The following MNDA variants were observed in gnomAD, a reference collection of about 807,000 sequenced individuals.
The protein encoded by MNDA is epididymis secretory sperm binding protein.
A neutral mutation model predicts 37.8 loss-of-function variants in MNDA; 43 were observed. The ratio of observed to expected loss-of-function variants is 1.14; its 90% CI spans 0.89 to 1.47. MNDA has a LOEUF of 1.47. Ranked by LOEUF, MNDA falls within the 40% of genes most tolerant of loss-of-function variation. MNDA has a pLI of 0.00. For synonymous variants in MNDA, 181 were observed against 169.0 expected (o/e 1.07, Z -0.55); for missense variants, 536 against 476.0 (o/e 1.13, Z -1.17).
At chr1:158,833,767 A>C (rs1378287657) in intron 1 of MNDA, among the ~76,000 whole-genome samples, 2 of 152,216 alleles carry the variant, frequency 1.3e-5, no homozygotes, top group African/African-American at 4.8e-5. Flanking sequence ...GGACACTTGT[A>C]ATACTTTCAC....
At chr1:158,841,207 G>T (rs1197735553) in intron 1 of MNDA, among the ~76,000 whole-genome samples, 1 of 152,104 alleles carries the variant, frequency 6.6e-6, no homozygotes, top group Non-Finnish European at 1.5e-5. Flanking sequence ...AAGACATATT[G>T]TGTATTTCTA....
intron 1 of MNDA, among the ~76,000 whole-genome samples, chr1:158,833,292 A>G (rs1276075381): frequency 6.6e-6 from 1 of 152,212 alleles, no homozygotes; most frequent in Non-Finnish European, 1.5e-5. Flanking sequence ...AGCTTCTGAA[A>G]GCTTTGAATA....
At position 158,845,404 on chromosome 1, in the gene MNDA, G is replaced by GT. The variant is rs199841330; in HGVS notation, c.571-175dup. On this transcript the variant is annotated intron_variant, in intron 4 of 6. Transcript: ENST00000368141. ...AGACGCCCGCTACAACGCCCGGCTA[G>GT]TTTTTTTTGTATTTTTAGTAGAGAT... Among the ~76,000 whole-genome samples the GT allele has an allele frequency of 2.2e-3, 334 of 151,848 alleles. 2 individuals carry two copies. Among genetic ancestry groups the GT allele is most frequent in the African/African-American group, 6.8e-3 (281 of 41,422 alleles).
At chr1:158,834,933 A>G (rs989781134) in intron 1 of MNDA, among the ~76,000 whole-genome samples, 1 of 152,168 alleles carries the variant, frequency 6.6e-6, no homozygotes, top group Non-Finnish European at 1.5e-5. Flanking sequence ...CATATTTCTC[A>G]GGGTTTATTT....
chr1:158,838,581 A>T (rs531909377), intron 1 of MNDA, among the ~76,000 whole-genome samples: 4 of 152,210 alleles, frequency 2.6e-5, no homozygotes, highest in African/African-American at 7.2e-5. Flanking sequence ...TGAGTTTATC[A>T]TAGTTGCAGC....
Position 158,844,070 on chromosome 1 carries a change from C to A in MNDA, c.518C>A (p.Pro173His), listed in dbSNP as rs749443667. ...GASTSAAVDHPPLPQTSSSTP... is the reference protein window; with the variant it reads ...GASTSAAVDHHPLPQTSSSTP... ...AGCACATCTGCAGCTGTGGATCATC[C>A]CCCACTACCCCAGACCTCATCATCA... Residue 173 changes from proline to histidine, a missense_variant, in exon 4 of 7, where the codon CCC becomes CAC. Physicochemically the swap from Pro to His is moderately conservative, Grantham distance 77. Transcript: ENST00000368141. The A allele has an allele frequency of 1.9e-6, 3 of 1,613,026 alleles. No homozygotes were observed. Among genetic ancestry groups the A allele is most frequent in the East Asian group, 2.2e-5 (1 of 44,850 alleles).
rs2276403 is a variant in MNDA, at chr1:158,847,809, C to T, written c.1069C>T (p.His357Tyr). ...SMDVVGSGKW[H>Y]NIKCEKGDKL... ...GGATGTAGTGGGGAGTGGAAAATGG[C>T]ACAATATCAAGTGTGAGAAAGGAGA... Residue 357 changes from histidine to tyrosine, a missense_variant, in exon 6 of 7, where the codon CAC (histidine) becomes TAC (tyrosine). Transcript: ENST00000368141. 2.1e-3 allele frequency: 3,363 copies of T among 1,613,932 alleles called. 113 individuals carry two copies. The East Asian group carries it at 0.067, about 32-fold the overall frequency.
intron 1 of MNDA, among the ~76,000 whole-genome samples, chr1:158,835,302 G>A (rs2102044908): frequency 6.6e-6 from 1 of 152,200 alleles, no homozygotes; most frequent in South Asian, 2.1e-4. Context: ...TTCCTTCAAA[G>A]TGTTGTATAA....
chr1:158,848,552 G>T (rs919011092), intron 6 of MNDA, among the ~76,000 whole-genome samples: 5 of 152,102 alleles, frequency 3.3e-5, no homozygotes, highest in African/African-American at 1.2e-4. Context: ...GAGGCCCAAA[G>T]ATGAAAAAGA....
In MNDA at chr1:158,842,891, G is replaced by C. The variant is rs72702936; in HGVS notation, c.266-388G>C. On this transcript the variant is annotated intron_variant, in intron 2 of 6. Transcript: ENST00000368141. The stretch of plus-strand genomic sequence containing the variant: ...CAATTCAGATCATATTTCCTTTCAG[G>C]TCATATTTCTGTCATTTGAACAGAT... Among the ~76,000 whole-genome samples, 5 of 152,020 alleles carry C rather than the reference G, an allele frequency of 3.3e-5. No individual in the cohort carries two copies. The South Asian group carries it at 8.3e-4, about 25-fold the overall frequency.
At chr1:158,835,812 T>C (rs990133971) in intron 1 of MNDA, among the ~76,000 whole-genome samples, 11 of 152,072 alleles carry the variant, frequency 7.2e-5, no homozygotes, top group Admixed American at 6.5e-4. Flanking sequence ...ATTCTTCGTT[T>C]ACTGAGTGTT....
intron 1 of MNDA, among the ~76,000 whole-genome samples, chr1:158,841,589 A>G (rs1357136068): frequency 6.6e-6 from 1 of 152,228 alleles, no homozygotes; most frequent in Non-Finnish European, 1.5e-5. Context: ...AGTGCTAACG[A>G]GAGCTGATTA....
chr1:158,845,216 GTTGTTGTTTGTTTGT>G (rs1410456183), intron 4 of MNDA, among the ~76,000 whole-genome samples: 22 of 114,324 alleles, frequency 1.9e-4, no homozygotes, highest in African/African-American at 6.6e-4. Flanking sequence ...CAAAGTTTTT[GTTGTTGTTTGTTTGT>G]TTGTTTGTTT....
rs1307552370 is a variant in MNDA, at chr1:158,843,274, G to T, written c.266-5G>T. On this transcript the variant is annotated splice_polypyrimidine_tract_variant and splice_region_variant and intron_variant, in intron 2 of 6. Transcript: ENST00000368141. ...TATTGTGCCCTTTTTCTTTTCTTTT[G>T]TCAGTTGCTAAGAAAATTAAAACAC... 3 of 1,601,370 alleles carry T rather than the reference G, an allele frequency of 1.9e-6. No individual in the cohort carries two copies. The Admixed American group carries it at 5.3e-5, about 28-fold the overall frequency.
chr1:158,832,910 T>G (rs1485039392), intron 1 of MNDA, among the ~76,000 whole-genome samples: 1 of 152,108 alleles, frequency 6.6e-6, no homozygotes, highest in Non-Finnish European at 1.5e-5. Flanking sequence ...AAGGTATATA[T>G]TTTAACTTGG....
chr1:158,832,738 T>C (rs1456797532), intron 1 of MNDA, among the ~76,000 whole-genome samples: 1 of 152,044 alleles, frequency 6.6e-6, no homozygotes, highest in African/African-American at 2.4e-5. Context: ...TTCTTTAAGT[T>C]AGAGTTTGAA....
chr1:158,843,077 G>A (rs1659063737), intron 2 of MNDA, among the ~76,000 whole-genome samples: 1 of 152,184 alleles, frequency 6.6e-6, no homozygotes, highest in Non-Finnish European at 1.5e-5. Flanking sequence ...GTAAAGCACT[G>A]AGGAGAATGA....
chr1:158,847,562 T>A (rs1659157634), intron 5 of MNDA, among the ~76,000 whole-genome samples, 166 bp from the exon 6 acceptor site: 2 of 152,086 alleles, frequency 1.3e-5, no homozygotes, highest in African/African-American at 4.8e-5. Context: ...AAAAAAATGC[T>A]GGATAATAAA....
intron 1 of MNDA, among the ~76,000 whole-genome samples, chr1:158,841,511 G>A (rs1472081029): frequency 6.6e-6 from 1 of 152,140 alleles, no homozygotes; most frequent in East Asian, 1.9e-4. Flanking sequence ...CAGATAGGAG[G>A]ATGGCAAAAT....
Sources: gnomAD v4.1 joint callset for allele counts (sites outside exome capture counted in the v4.1 genomes callset) on GRCh38, gnomAD v4.1.1 for gene constraint, MANE v1.5 for transcripts, NCBI Gene and HGNC (gene_info 2026-07-23, HGNC 2026-07-21) for gene names.